ROBO2: variants seen among roughly 807,000 people sequenced by gnomAD.
The protein encoded by ROBO2 is roundabout homolog 2.
Under a neutral mutation model 160.8 loss-of-function variants are expected in ROBO2, and 53 were observed. The ratio of observed to expected loss-of-function variants is 0.33; its 90% CI spans 0.26 to 0.41. The LOEUF (loss-of-function observed/expected upper bound fraction) is 0.41, where lower values mean the gene tolerates loss of function less well. ROBO2 is among the 10% of genes least tolerant of loss of function. ROBO2 has a pLI of 1.00. For synonymous variants in ROBO2, 664 were observed against 611.7 expected, an observed-to-expected ratio of 1.09 and a Z score of -1.26; for missense variants, 1,577 against 1,722.4, an observed-to-expected ratio of 0.92 and a Z score of 1.49.
chr3:76,964,349 G>A (rs1037995433), intron 2 of ROBO2, among the ~76,000 whole-genome samples: 1 of 151,932 alleles, frequency 6.6e-6, no homozygotes, highest in African/African-American at 2.4e-5. Context: ...GTTTTGTTTT[G>A]TTTTGTTTTT....
chr3:76,822,782 A>G (rs562191449), intron 2 of ROBO2, among the ~76,000 whole-genome samples: 8 of 151,872 alleles, frequency 5.3e-5, no homozygotes, highest in African/African-American at 1.9e-4. Flanking sequence ...ACAAATTTTC[A>G]TGGTTCCCTA....
chr3:76,979,954 A>T (rs1291073914), intron 2 of ROBO2, among the ~76,000 whole-genome samples: 1 of 150,138 alleles, frequency 6.7e-6, no homozygotes, highest in Non-Finnish European at 1.5e-5. Flanking sequence ...ACTTGGTTAA[A>T]AAAAAAAAAA....
chr3:77,563,451 A>T (rs866519230), intron 11 of ROBO2, 122 bp downstream of exon 12: 3 of 967,580 alleles, frequency 3.1e-6, no homozygotes, highest in Admixed American at 4.0e-5. Context: ...TTAAGAATTG[A>T]TCTCTTCTCT....
intron 2 of ROBO2, among the ~76,000 whole-genome samples, chr3:76,705,844 G>T (rs2093149779): frequency 6.6e-6 from 1 of 152,126 alleles, no homozygotes; most frequent in African/African-American, 2.4e-5. Context: ...ATTTAAAGCT[G>T]TGACCTGTGA....
intron 2 of ROBO2, among the ~76,000 whole-genome samples, chr3:76,948,951 A>G (rs1431204935): frequency 1.6e-5 from 2 of 122,100 alleles, no homozygotes; most frequent in African/African-American, 6.6e-5. Flanking sequence ...GGGTTTCACC[A>G]TGTTGGCCAA....
chr3:76,847,634 C>T (rs559752311), intron 2 of ROBO2, among the ~76,000 whole-genome samples: 3 of 152,268 alleles, frequency 2.0e-5, no homozygotes, highest in South Asian at 2.1e-4. Flanking sequence ...GACACCCTAT[C>T]GCCTTTCCCA....
intron 1 of ROBO2, among the ~76,000 whole-genome samples, chr3:75,914,959 A>G (rs1047425771): frequency 1.3e-5 from 2 of 152,156 alleles, no homozygotes; most frequent in African/African-American, 4.8e-5. Context: ...GCCCACCCAC[A>G]TCACTGGGGA....
chr3:75,960,843 A>T (rs1482624414), intron 2 of ROBO2, among the ~76,000 whole-genome samples: 1 of 151,794 alleles, frequency 6.6e-6, no homozygotes, highest in Non-Finnish European at 1.5e-5. Context: ...ATCAAATATG[A>T]ATTAGAAATA....
Position 77,293,093 on chromosome 3 carries a change from G to A in ROBO2, c.389-184321G>A, listed in dbSNP as rs182255148. Among the ~76,000 whole-genome samples, 695 of 150,850 alleles carry A rather than the reference G, an allele frequency of 4.6e-3. 8 individuals are homozygous for A. The highest frequency in any genetic ancestry group is 0.014 in the Middle Eastern group (4 of 284). Reference sequence around the variant, plus strand: ...AGCACTAAAGACATAAAGTAAAATTGGCGGTTAAACGGGTAAGCTGAGGCT... The same window carrying A: ...AGCACTAAAGACATAAAGTAAAATTAGCGGTTAAACGGGTAAGCTGAGGCT... On this transcript the variant is annotated intron_variant, in intron 2 of 25. Coordinates refer to ENST00000461745, the Ensembl canonical transcript of ROBO2.
chr3:76,834,086 C>CTT (rs769291573), intron 2 of ROBO2, among the ~76,000 whole-genome samples: 9 of 110,206 alleles, frequency 8.2e-5, no homozygotes, highest in South Asian at 2.9e-4. Context: ...TTCTTTCTTT[C>CTT]TTTCTTTCTT....
chr3:76,359,668 T>C (rs1266042719), intron 2 of ROBO2, among the ~76,000 whole-genome samples: 1 of 152,058 alleles, frequency 6.6e-6, no homozygotes, highest in Non-Finnish European at 1.5e-5. Flanking sequence ...TTCACTACTC[T>C]TTGGTATTGT....
intron 11 of ROBO2, 80 bp downstream of exon 12, chr3:77,563,409 G>C: frequency 1.5e-6 from 2 of 1,356,680 alleles, no homozygotes; most frequent in Non-Finnish European, 2.1e-6. Context: ...CTATCCTGCT[G>C]TTTTATTAAA....
intron 2 of ROBO2, among the ~76,000 whole-genome samples, chr3:77,195,813 G>C (rs1236894084): frequency 6.6e-6 from 1 of 152,122 alleles, no homozygotes; most frequent in Admixed American, 6.6e-5. Flanking sequence ...TTTCAGGTCC[G>C]TCTCCCCACC....
At chr3:76,482,048 A>G (rs1006195814) in intron 2 of ROBO2, among the ~76,000 whole-genome samples, 1 of 152,074 alleles carries the variant, frequency 6.6e-6, no homozygotes, top group African/African-American at 2.4e-5. Context: ...CTCATACATG[A>G]AAAGAAAACA....
chr3:77,618,752 G>A (rs1469194858), intron 22 of ROBO2, among the ~76,000 whole-genome samples: 1 of 152,106 alleles, frequency 6.6e-6, no homozygotes, highest in East Asian at 1.9e-4. Flanking sequence ...ATTACTTAAA[G>A]ATTATTACAA....
chr3:76,119,424 A>G (rs2070624896), intron 2 of ROBO2, among the ~76,000 whole-genome samples: 1 of 152,128 alleles, frequency 6.6e-6, no homozygotes, highest in Admixed American at 6.6e-5. Flanking sequence ...CAGTGAGATT[A>G]TGACTCACCC....
At position 76,591,825 on chromosome 3, in the gene ROBO2, C is replaced by T. The variant is rs115658266; in HGVS notation, c.110-506189C>T. 6.9e-3 allele frequency among the ~76,000 whole-genome samples: 1,051 copies of T among 151,948 alleles called. 5 individuals carry two copies. Among genetic ancestry groups the T allele is most frequent in the Non-Finnish European group, 0.011 (754 of 67,904 alleles). On this transcript the variant is annotated intron_variant, in intron 2 of 26. Coordinates refer to the ROBO2 transcript ENST00000487694. The stretch of plus-strand genomic sequence containing the variant: ...TTTTATTTTTACTGTTTTAATGATA[C>T]ACATTGGGGCTCTCTGTGTGAAAGT...
chr3:76,483,435 T>C (rs557505560), intron 2 of ROBO2, among the ~76,000 whole-genome samples: 9 of 152,196 alleles, frequency 5.9e-5, no homozygotes, highest in African/African-American at 2.2e-4. Flanking sequence ...GTACTGAGCA[T>C]AGTACCCAAT....
intron 1 of ROBO2, among the ~76,000 whole-genome samples, chr3:75,921,277 C>T (rs758350539): frequency 8.1e-5 from 8 of 98,330 alleles, no homozygotes; most frequent in Admixed American, 4.9e-4. Flanking sequence ...TTTTATTTCT[C>T]ATTCATTTAT....
Sources: allele counts gnomAD v4.1 joint callset (sites outside exome capture counted in the v4.1 genomes callset), GRCh38; gene constraint gnomAD v4.1.1; transcripts MANE v1.5; gene names NCBI Gene and HGNC (gene_info 2026-07-23, HGNC 2026-07-21).